The following DNAI3 variants were observed in gnomAD, a reference collection of about 807,000 sequenced individuals.
The protein encoded by DNAI3 is dynein axonemal intermediate chain 3.
Under a neutral mutation model 115.5 loss-of-function variants are expected in DNAI3, and 83 were observed. The observed-to-expected ratio is 0.72, with a 90% CI of 0.60 to 0.86. The LOEUF (loss-of-function observed/expected upper bound fraction) is 0.86, where lower values mean the gene tolerates loss of function less well. Ranked by LOEUF, DNAI3 falls within the 40% of genes least tolerant of loss-of-function variation. The pLI, the probability that DNAI3 is intolerant of heterozygous loss-of-function variation, is 0.00. For synonymous variants in DNAI3, 320 were observed against 347.0 expected, an observed-to-expected ratio of 0.92 and a Z score of 0.86; for missense variants, 1,004 against 1,075.8, an observed-to-expected ratio of 0.93 and a Z score of 0.93.
At chr1:85,128,884 C>A in intron 21 of DNAI3, 85 bp downstream of exon 21, 2 of 1,254,312 alleles carry the variant, frequency 1.6e-6, no homozygotes, top group Non-Finnish European at 2.3e-6. Context: ...GAAATGACAG[C>A]ATTTTTGCTC....
intron 16 of DNAI3, among the ~76,000 whole-genome samples, chr1:85,111,124 A>G (rs1485078530): frequency 1.3e-5 from 2 of 152,248 alleles, no homozygotes; most frequent in African/African-American, 2.4e-5. Flanking sequence ...GAATTTTTCA[A>G]TGTTAAATGA....
Position 85,121,778 on chromosome 1 carries a change from A to G in DNAI3, c.1945A>G (p.Lys649Glu). The change falls in exon 18 of 23, where the codon AAA (lysine) becomes GAA (glutamate). Residue 649 changes from lysine to glutamate, a missense_variant. Lys to Glu is a moderately conservative substitution (Grantham distance 56). Around this residue, in one of 3 missense-constraint regions of DNAI3, gnomAD observed 429 missense variants for 454.3 expected, o/e 0.94. Transcript: ENST00000294664. ...EEGEVIYTDW[K>E]MEKDPETGRL... ...AGGCGAAGTGATATACACAGATTGG[A>G]AAATGGAAAAAGACCCTGAAACTGG... 3.1e-6 allele frequency: 5 copies of G among 1,614,178 alleles called. No individual in the cohort carries two copies. The highest frequency in any genetic ancestry group is 4.2e-6 in the Non-Finnish European group (5 of 1,179,986).
At chr1:85,096,066 T>C in intron 11 of DNAI3, 46 bp downstream of exon 11, 1 of 1,566,498 alleles carries the variant, frequency 6.4e-7, no homozygotes, top group Middle Eastern at 1.7e-4. Context: ...GTAGACAACC[T>C]TTGGTAATAA....
chr1:85,132,957 A>G lies in DNAI3; in HGVS notation c.2635A>G (p.Ile879Val). The G allele has an allele frequency of 7.4e-6, 12 of 1,613,772 alleles. No homozygotes were observed. The highest frequency in any genetic ancestry group is 1.0e-5 in the Non-Finnish European group (12 of 1,179,868). Residue 879 changes from isoleucine (I) to valine (V), a missense_variant, in exon 23 of 23, where the codon ATC becomes GTC. By Grantham distance (29) the Ile-to-Val change is conservative. Coordinates refer to ENST00000294664, the MANE Select transcript of DNAI3 (RefSeq NM_145172.5). ...GACTGTTCTTATCAACCTTGGCCTA[A>G]TCAAAGTCACAGAGAAGGGGTCATA... ...EKTVLINLGL[I>V]KVTEKGSYME...
rs190360642 is a variant in DNAI3, at chr1:85,072,370, G to A, written c.64+365G>A. ...AAAGATTATAGTAAACTGGCTGGGCGCGGTGGTTCACGCCTGTAATCCCAG... is the reference window on the plus strand; with the variant it reads ...AAAGATTATAGTAAACTGGCTGGGCACGGTGGTTCACGCCTGTAATCCCAG... On this transcript the variant is annotated intron_variant, in intron 2 of 22. Transcript: ENST00000294664. 3.0e-4 allele frequency among the ~76,000 whole-genome samples: 45 copies of A among 152,236 alleles called. 1 individual carries two copies. Among genetic ancestry groups the A allele is most frequent in the Admixed American group, 2.8e-3 (43 of 15,274 alleles).
chr1:85,119,458 T>C (rs957033101), intron 17 of DNAI3, among the ~76,000 whole-genome samples: 1 of 152,242 alleles, frequency 6.6e-6, no homozygotes, highest in African/African-American at 2.4e-5. Context: ...CACCAAAGTT[T>C]ATAAAGCAGG....
At chr1:85,069,374 A>G (rs1270455981) in intron 1 of DNAI3, among the ~76,000 whole-genome samples, 4 of 141,584 alleles carry the variant, frequency 2.8e-5, no homozygotes, top group Non-Finnish European at 4.7e-5. Flanking sequence ...TACTAGTTAT[A>G]TTTTCCTCCT....
intron 3 of DNAI3, among the ~76,000 whole-genome samples, chr1:85,075,751 A>G (rs1255698265): frequency 6.6e-6 from 1 of 152,228 alleles, no homozygotes; most frequent in East Asian, 1.9e-4. Context: ...ATATTTGTGG[A>G]GCAATGACTT....
intron 11 of DNAI3, among the ~76,000 whole-genome samples, chr1:85,096,563 ATCT>A (rs1281941288): frequency 2.7e-5 from 4 of 150,124 alleles, no homozygotes; most frequent in South Asian, 4.2e-4. Context: ...GTTTGCTTTT[ATCT>A]TCTTTTTAAG....
chr1:85,078,908 T>G (rs1449444096), intron 3 of DNAI3, among the ~76,000 whole-genome samples: 1 of 152,226 alleles, frequency 6.6e-6, no homozygotes, highest in Non-Finnish European at 1.5e-5. Flanking sequence ...AAAGGATCAT[T>G]TTTTGTGTGT....
At chr1:85,100,255 T>C (rs1291324131) in intron 13 of DNAI3, among the ~76,000 whole-genome samples, 1 of 151,990 alleles carries the variant, frequency 6.6e-6, no homozygotes, top group African/African-American at 2.4e-5. Flanking sequence ...GAATCTACAA[T>C]GAACTCAAAC....
intron 4 of DNAI3, 137 bp from the exon 5 acceptor site, chr1:85,082,163 G>T (rs947728864): frequency 3.6e-5 from 24 of 659,452 alleles, no homozygotes; most frequent in African/African-American, 5.5e-5. Flanking sequence ...TTGCAATTTG[G>T]TGTTATCAGC....
intron 1 of DNAI3, among the ~76,000 whole-genome samples, chr1:85,069,447 T>C (rs1654199729): frequency 6.6e-6 from 1 of 152,214 alleles, no homozygotes; most frequent in African/African-American, 2.4e-5. Flanking sequence ...TTTTGCCTAT[T>C]TTGTTCACTG....
intron 18 of DNAI3, among the ~76,000 whole-genome samples, chr1:85,123,184 A>G (rs1656037717): frequency 6.6e-6 from 1 of 152,100 alleles, no homozygotes; most frequent in African/African-American, 2.4e-5. Flanking sequence ...CTTGCATCTT[A>G]GACCACGCCA....
chr1:85,117,460 T>C (rs1410801789), intron 16 of DNAI3, among the ~76,000 whole-genome samples: 1 of 152,200 alleles, frequency 6.6e-6, no homozygotes, highest in Admixed American at 6.5e-5. Context: ...ATGATGTTTG[T>C]GTTTCAGCCC....
At chr1:85,101,798 T>C (rs1335661028) in intron 13 of DNAI3, among the ~76,000 whole-genome samples, 1 of 129,446 alleles carries the variant, frequency 7.7e-6, no homozygotes, top group Admixed American at 7.8e-5. Flanking sequence ...CAAAATAGAG[T>C]ATCAGACTCT....
In DNAI3 at chr1:85,126,548, G is replaced by T. The variant is rs780164193; in HGVS notation, c.2150G>T (p.Arg717Met). 7 of 1,613,886 alleles carry T rather than the reference G, an allele frequency of 4.3e-6. 1 individual carries two copies. Among genetic ancestry groups the T allele is most frequent in the South Asian group, 2.2e-5 (2 of 91,082 alleles). The part of the protein sequence containing the change: ...PLLQSCCAPK[R>M]YTSGHWSLTR... The stretch of plus-strand genomic sequence containing the variant: ...CTTCAGTCATGCTGTGCACCAAAAA[G>T]GTACACCTCAGGCCACTGGTCCCTG... The change falls in exon 20 of 23, where the codon AGG (arginine) becomes ATG (methionine). Residue 717 changes from arginine to methionine, a missense_variant. Physicochemically the swap from Arg to Met is moderately conservative, Grantham distance 91. Coordinates refer to ENST00000294664, the MANE Select transcript of DNAI3 (RefSeq NM_145172.5).
At chr1:85,114,881 T>C (rs1231855705) in intron 16 of DNAI3, among the ~76,000 whole-genome samples, 1 of 152,232 alleles carries the variant, frequency 6.6e-6, no homozygotes, top group East Asian at 1.9e-4. Context: ...CACCCACCCT[T>C]TGTCTGCCAT....
intron 6 of DNAI3, 65 bp downstream of exon 6, chr1:85,084,760 G>C (rs1230405267): frequency 7.6e-7 from 1 of 1,309,836 alleles, no homozygotes; most frequent in Non-Finnish European, 9.8e-7. Flanking sequence ...TTATTCCTGA[G>C]GGATTCATAA....
Sources: allele counts gnomAD v4.1 joint callset (sites outside exome capture counted in the v4.1 genomes callset), GRCh38; gene constraint gnomAD v4.1.1; regional missense constraint gnomAD v4.1.1; transcripts MANE v1.5; gene names NCBI Gene and HGNC (gene_info 2026-07-23, HGNC 2026-07-21).